The following USP8 variants were observed in gnomAD, a reference collection of about 807,000 sequenced individuals.
USP8 encodes ubiquitin specific peptidase 8.
Under a neutral mutation model 130.0 loss-of-function variants are expected in USP8, and 27 were observed. That is an observed-to-expected ratio of 0.21 (90% CI 0.15 to 0.29). The LOEUF is 0.29. Among genes scored for constraint, USP8 ranks in the 10% least tolerant of loss-of-function variants. The pLI, the probability that USP8 is intolerant of heterozygous loss-of-function variation, is 1.00. For missense variants in USP8, 1,029 were observed against 1,312.2 expected, an observed-to-expected ratio of 0.78 and a Z score of 3.33; for synonymous variants, 392 against 444.1, an observed-to-expected ratio of 0.88 and a Z score of 1.48.
intron 14 of USP8, among the ~76,000 whole-genome samples, chr15:50,490,782 T>C (rs1427980282): frequency 6.6e-6 from 1 of 152,192 alleles, no homozygotes; most frequent in Non-Finnish European, 1.5e-5. Flanking sequence ...TGTTATGTTT[T>C]ACAGTTTCAT....
At chr15:50,476,345 A>C (rs1469610173) in intron 8 of USP8, among the ~76,000 whole-genome samples, 2 of 152,184 alleles carry the variant, frequency 1.3e-5, no homozygotes, top group Non-Finnish European at 2.9e-5. Context: ...TGGGAGGATC[A>C]ATAGAGCCCA....
intron 4 of USP8, among the ~76,000 whole-genome samples, chr15:50,452,680 T>C (rs1469485628): frequency 5.3e-5 from 8 of 152,184 alleles, no homozygotes; most frequent in African/African-American, 2.4e-5. Flanking sequence ...TTTTTTCTTA[T>C]TAATTGTGTG....
rs1298682771 is a variant in USP8, at chr15:50,502,055, CAG to C, written c.*2969_*2970del. 6.6e-6 allele frequency: 1 copy of C among 152,130 alleles called. No individual in the cohort carries two copies. Among genetic ancestry groups the C allele is most frequent in the African/African-American group, 2.4e-5 (1 of 41,410 alleles). The allele number at this position is 152,130 out of a possible 1,614,324, so 9.4% of individuals were successfully genotyped here. A position where few individuals can be genotyped will look rare whatever the true frequency, so the allele number is the denominator to read the frequency against. ...AAAATATTTACTGTTTGGCCTTTAA[CAG>C]AATAAGTTTGCTGACCTCTGCTGTA... On this transcript the variant is annotated 3_prime_UTR_variant, in exon 20 of 20. Transcript: ENST00000307179.
intron 4 of USP8, among the ~76,000 whole-genome samples, chr15:50,455,337 C>T (rs2050757191): frequency 6.6e-6 from 1 of 151,346 alleles, no homozygotes; most frequent in Admixed American, 6.6e-5. Flanking sequence ...CAGGGCCTCC[C>T]AAAGAGTTAG....
chr15:50,498,801 C>A, intron 19 of USP8, 73 bp downstream of exon 19: 1 of 1,550,880 alleles, frequency 6.4e-7, no homozygotes, highest in South Asian at 1.2e-5. Context: ...GGTTTCCTAC[C>A]TCATGGAAGA....
intron 14 of USP8, among the ~76,000 whole-genome samples, chr15:50,491,677 T>C (rs2052174351): frequency 6.6e-6 from 1 of 152,164 alleles, no homozygotes; most frequent in Non-Finnish European, 1.5e-5. Context: ...ACCTATCAGT[T>C]AAGATTTTCC....
At chr15:50,450,038 C>T (rs538938788) in intron 4 of USP8, among the ~76,000 whole-genome samples, 4 of 151,230 alleles carry the variant, frequency 2.6e-5, no homozygotes, top group Admixed American at 6.6e-5. Context: ...GGACTACAGG[C>T]GCCCGCCACC....
At position 50,506,819 on chromosome 15, in the gene USP8, A is replaced by G. The variant is rs9635336; in HGVS notation, c.*7731A>G. 46,403 of 151,624 alleles carry G rather than the reference A, an allele frequency of 0.31. 7,745 individuals carry two copies. Among genetic ancestry groups the G allele is most frequent in the East Asian group, 0.61 (3,152 of 5,136 alleles). The allele number at this position is 151,624 out of a possible 1,614,324, so 9.4% of individuals were successfully genotyped here. On this transcript the variant is annotated 3_prime_UTR_variant, in exon 20 of 20. Transcript: ENST00000307179. ...CAAAAATACAAAAAATTAGCCGGGC[A>G]TGGTGGCAGGCGCCTATAGTCCCAG...
At position 50,462,167 on chromosome 15, in the gene USP8, A is replaced by G. The variant is rs1378962620; in HGVS notation, c.499-113A>G. Reference sequence around the variant, plus strand: ...GTCTGCGTTTTTATAAAAGGCCAGTACTCTGCACAGTTCGTTTCTTAGAGT... The same window carrying G: ...GTCTGCGTTTTTATAAAAGGCCAGTGCTCTGCACAGTTCGTTTCTTAGAGT... On this transcript the variant is annotated intron_variant, in intron 5 of 19. Transcript: ENST00000307179. 1.5e-5 allele frequency: 13 copies of G among 839,736 alleles called. No individual in the cohort carries two copies. In the South Asian group the frequency reaches 2.0e-4, roughly 13 times the overall value. The allele number at this position is 839,736 out of a possible 1,614,324, so 52.0% of individuals were successfully genotyped here.
chr15:50,500,594 T>G lies in USP8; in HGVS notation c.*1506T>G, dbSNP rs1330775092. The G allele has an allele frequency of 8.8e-6, 5 of 569,628 alleles. No homozygotes were observed. The highest frequency in any genetic ancestry group is 1.2e-5 in the Non-Finnish European group (4 of 321,060). 35.3% of individuals were successfully genotyped at this position (569,628 alleles called of 1,614,324 possible). On this transcript the variant is annotated 3_prime_UTR_variant, in exon 20 of 20. Coordinates refer to ENST00000307179, the MANE Select transcript of USP8 (RefSeq NM_005154.5). ...TAAGAGTTTAATGACCAAGCAAAAC[T>G]CTACCACCAGATGCTGACTGCTTGT... is the stretch of plus-strand genomic sequence containing the variant.
intron 4 of USP8, among the ~76,000 whole-genome samples, chr15:50,454,629 ATTT>A (rs1331373903): frequency 6.7e-6 from 1 of 150,320 alleles, no homozygotes; most frequent in Non-Finnish European, 1.5e-5. Flanking sequence ...CTAATTTTGT[ATTT>A]TTACTAGAGA....
At position 50,509,694 on chromosome 15, in the gene USP8, G is replaced by A. The variant is rs1048962864; in HGVS notation, c.*10606G>A. The A allele has an allele frequency of 2.6e-5, 4 of 151,990 alleles. No individual in the cohort carries two copies. The highest frequency in any genetic ancestry group is 5.9e-5 in the Non-Finnish European group (4 of 67,964). 9.4% of individuals were successfully genotyped at this position (151,990 alleles called of 1,614,324 possible). ...TAAAATAAAAAAGAGACAAGTCAACGATAAAATTAAAAATGAAAAAACATG... is the reference window on the plus strand; with the variant it reads ...TAAAATAAAAAAGAGACAAGTCAACAATAAAATTAAAAATGAAAAAACATG... On this transcript the variant is annotated 3_prime_UTR_variant, in exon 20 of 20. Coordinates refer to ENST00000307179, the MANE Select transcript of USP8 (RefSeq NM_005154.5).
At position 50,499,076 on chromosome 15, in the gene USP8, T is replaced by G; in HGVS notation, c.3345T>G (p.Asp1115Glu). The change falls in exon 20 of 20, where the codon GAT (aspartate) becomes GAG (glutamate). Residue 1115 changes from aspartate (D) to glutamate (E), a missense_variant. By Grantham distance (45) the Asp-to-Glu change is conservative (BLOSUM62 2). Transcript: ENST00000307179. ...CTTCATTGGGACCACGAGTAACTGA[T>G]GTAGCCACATAAGGAGACATAGGTT... is the stretch of plus-strand genomic sequence containing the variant. ...FYTSLGPRVT[D>E]VAT 1.9e-6 allele frequency: 3 copies of G among 1,608,086 alleles called. No individual in the cohort carries two copies. The highest frequency in any genetic ancestry group is 2.5e-6 in the Non-Finnish European group (3 of 1,177,102).
chr15:50,471,380 A>G (rs2051370156), intron 7 of USP8, among the ~76,000 whole-genome samples: 1 of 152,220 alleles, frequency 6.6e-6, no homozygotes, highest in African/African-American at 2.4e-5. Context: ...AAAAGGTCAG[A>G]ATGAAAAGAA....
chr15:50,509,020 G>A lies in USP8; in HGVS notation c.*9932G>A, dbSNP rs1347337090. ...ACGGTGGCGGGCGCCTGTAGTCCCA[G>A]CTACTTGGGAGGCTGAGGCAGGAGA... On this transcript the variant is annotated 3_prime_UTR_variant, in exon 20 of 20. Transcript: ENST00000307179. The A allele has an allele frequency of 1.4e-5, 2 of 141,158 alleles. No homozygotes were observed. The highest frequency in any genetic ancestry group is 3.0e-5 in the Non-Finnish European group (2 of 65,758). 8.7% of individuals were successfully genotyped at this position (141,158 alleles called of 1,614,324 possible).
At chr15:50,498,784 T>A in intron 19 of USP8, 56 bp downstream of exon 19, 2 of 1,562,906 alleles carry the variant, frequency 1.3e-6, no homozygotes, top group Non-Finnish European at 1.7e-6. Flanking sequence ...TAAAAAAAGT[T>A]TTAAGTGGTT....
In USP8 at chr15:50,506,546, G is replaced by A. The variant is rs1463407212; in HGVS notation, c.*7458G>A. On this transcript the variant is annotated 3_prime_UTR_variant, in exon 20 of 20. Transcript: ENST00000307179. ...GGTGCCAACAAGGTTGGGGACTGCC[G>A]AATTAGAAAAATAAGGCTAACATAA... The A allele has an allele frequency of 6.6e-6, 1 of 152,104 alleles. No homozygotes were observed. The highest frequency in any genetic ancestry group is 1.5e-5 in the Non-Finnish European group (1 of 68,012). The allele number at this position is 152,104 out of a possible 1,614,324, so 9.4% of individuals were successfully genotyped here.
intron 3 of USP8, among the ~76,000 whole-genome samples, chr15:50,444,406 G>GT (rs138892128): frequency 0.15 from 21,633 of 144,576 alleles, 1,954 homozygotes; most frequent in Middle Eastern, 0.28. Flanking sequence ...TGCCCAACCA[G>GT]TTTTTTTTTT....
intron 10 of USP8, 67 bp from the exon 11 acceptor site, chr15:50,481,414 A>T: frequency 1.7e-6 from 2 of 1,172,772 alleles, no homozygotes; most frequent in Non-Finnish European, 2.3e-6. Context: ...TCACAACTTG[A>T]TCTCAAGAAC....
Sources: allele counts gnomAD v4.1 joint callset (sites outside exome capture counted in the v4.1 genomes callset), GRCh38; gene constraint gnomAD v4.1.1; transcripts MANE v1.5; gene names NCBI Gene and HGNC (gene_info 2026-07-23, HGNC 2026-07-21).